NEDD4: variants seen among roughly 807,000 people sequenced by gnomAD.
NEDD4 encodes the protein E3 ubiquitin-protein ligase NEDD4.
In NEDD4, 99 loss-of-function variants were observed where a neutral mutation model predicts 144.9. The ratio of observed to expected loss-of-function variants is 0.68; its 90% CI spans 0.58 to 0.81. The LOEUF (loss-of-function observed/expected upper bound fraction) is 0.81, where lower values mean the gene tolerates loss of function less well. Among genes scored for constraint, NEDD4 ranks in the 30% least tolerant of loss-of-function variants. The pLI is 0.00. For synonymous variants in NEDD4, 318 were observed against 350.6 expected, an observed-to-expected ratio of 0.91 and a Z score of 1.04; for missense variants, 985 against 1,065.9, an observed-to-expected ratio of 0.92 and a Z score of 1.06.
chr15:55,974,848 C>T lies in NEDD4; in HGVS notation c.46-8302G>A, dbSNP rs1244770080. On this transcript the variant is annotated intron_variant, in intron 1 of 28. Transcript: ENST00000435532. ...TGGGGAGAAACTGAAAGCCTTTCCT[C>T]TATGATCTGGAACAAGATAAGGATG... Among the ~76,000 whole-genome samples, 7 of 142,960 alleles carry T rather than the reference C, an allele frequency of 4.9e-5. No individual in the cohort carries two copies. The East Asian group carries it at 1.2e-3, about 25-fold the overall frequency. 93.8% of individuals were successfully genotyped at this position (142,960 alleles called of 152,430 possible).
chr15:55,920,401 G>C (rs1393529339), intron 5 of NEDD4, among the ~76,000 whole-genome samples: 2 of 152,044 alleles, frequency 1.3e-5, no homozygotes, highest in Non-Finnish European at 2.9e-5. Flanking sequence ...ATCTTAGACT[G>C]GTGACACAGT....
intron 22 of NEDD4, 101 bp downstream of exon 22, chr15:55,838,408 A>T (rs1437675596): frequency 1.2e-6 from 1 of 842,392 alleles, no homozygotes; most frequent in South Asian, 1.6e-5. Flanking sequence ...TGGGAAATGA[A>T]TGTAAAAACA....
intron 18 of NEDD4, among the ~76,000 whole-genome samples, chr15:55,842,658 A>C (rs1186434050): frequency 1.3e-5 from 2 of 152,226 alleles, no homozygotes; most frequent in Non-Finnish European, 2.9e-5. Context: ...GATTACAGGC[A>C]TAAGCCATGG....
At chr15:55,837,169 C>A (rs550684469) in intron 24 of NEDD4, among the ~76,000 whole-genome samples, 1 of 152,308 alleles carries the variant, frequency 6.6e-6, no homozygotes, top group East Asian at 1.9e-4. Context: ...GTGGCTCACA[C>A]TGGTAACCCC....
intron 7 of NEDD4, among the ~76,000 whole-genome samples, chr15:55,870,976 T>C (rs1247794724): frequency 2.0e-5 from 3 of 152,222 alleles, no homozygotes; most frequent in African/African-American, 7.2e-5. Context: ...CCTTTGTCTT[T>C]CTAGACAAGA....
chr15:55,961,561 C>G lies in NEDD4; in HGVS notation c.119+4912G>C, dbSNP rs142299011. Among the ~76,000 whole-genome samples the G allele has an allele frequency of 4.1e-3, 627 of 152,226 alleles. 4 individuals carry two copies. The highest frequency in any genetic ancestry group is 0.014 in the African/African-American group (593 of 41,530). On this transcript the variant is annotated intron_variant, in intron 2 of 28. Transcript: ENST00000435532. ...TCTTGGCTCACTGCAACCTCCGCCT[C>G]CCGGGTTCATATCATTCTCCTGCCT...
chr15:55,884,893 G>T lies in NEDD4; in HGVS notation c.292-10885C>A, dbSNP rs1288632061. Among the ~76,000 whole-genome samples, 8 of 152,248 alleles carry T rather than the reference G, an allele frequency of 5.3e-5. No individual in the cohort carries two copies. In the East Asian group the frequency reaches 1.5e-3, roughly 29 times the overall value. ...TTGAAGTAGAAAGTTTACTCAAAGG[G>T]ATAATAACAGAGAACTGTCCAAACC... On this transcript the variant is annotated intron_variant, in intron 5 of 28. Transcript: ENST00000435532.
At chr15:55,953,024 C>G (rs1566966975) in intron 2 of NEDD4, among the ~76,000 whole-genome samples, 1 of 149,342 alleles carries the variant, frequency 6.7e-6, no homozygotes, top group Non-Finnish European at 1.5e-5. Context: ...GAGTCTTGCT[C>G]TGTTGCCCAG....
chr15:55,846,085 C>T (rs188415577), intron 18 of NEDD4, among the ~76,000 whole-genome samples: 14 of 151,924 alleles, frequency 9.2e-5, no homozygotes, highest in African/African-American at 3.1e-4. Flanking sequence ...CTGCACCTGG[C>T]CCACAAAATT....
At chr15:55,916,207 C>A in intron 5 of NEDD4, 1 of 1,613,964 alleles carries the variant, frequency 6.2e-7, no homozygotes, top group Non-Finnish European at 8.5e-7. Flanking sequence ...GAGGTGCTGT[C>A]AGAAGGTAAG....
intron 2 of NEDD4, among the ~76,000 whole-genome samples, chr15:55,963,188 G>T (rs751961286): frequency 8.1e-5 from 12 of 147,888 alleles, no homozygotes; most frequent in Non-Finnish European, 1.2e-4. Flanking sequence ...CTGGAGTGCA[G>T]TGGCAAAATC....
intron 2 of NEDD4, among the ~76,000 whole-genome samples, chr15:55,957,846 A>G (rs1249814192): frequency 2.6e-5 from 4 of 152,168 alleles, no homozygotes; most frequent in Non-Finnish European, 5.9e-5. Flanking sequence ...GCTGGAAACC[A>G]TCATTCTAAG....
chr15:55,915,152 T>C, intron 5 of NEDD4: 1 of 683,510 alleles, frequency 1.5e-6, no homozygotes, highest in Non-Finnish European at 2.3e-6. Flanking sequence ...ATAAAATTTA[T>C]GACTACAAAA....
chr15:55,895,506 G>A (rs2035710557), intron 5 of NEDD4, among the ~76,000 whole-genome samples: 1 of 152,248 alleles, frequency 6.6e-6, no homozygotes, highest in African/African-American at 2.4e-5. Context: ...AAAGGAAGCT[G>A]TGGTAGCTGA....
chr15:55,869,508 TG>T (rs1484565245), intron 8 of NEDD4, 70 bp downstream of exon 8: 18 of 831,220 alleles, frequency 2.2e-5, no homozygotes, highest in Non-Finnish European at 3.4e-5. Flanking sequence ...CAATAGTTAT[TG>T]TTCTTCAGAG....
chr15:55,961,151 G>T (rs1372785410), intron 2 of NEDD4, among the ~76,000 whole-genome samples: 1 of 152,150 alleles, frequency 6.6e-6, no homozygotes, highest in African/African-American at 2.4e-5. Context: ...CTGTGAGAGG[G>T]ACATCTGGTC....
chr15:55,926,792 A>G (rs1343012656), intron 4 of NEDD4, among the ~76,000 whole-genome samples: 1 of 151,918 alleles, frequency 6.6e-6, no homozygotes, highest in Non-Finnish European at 1.5e-5. Context: ...CCCCCAAAAA[A>G]AGGGTGGGCA....
At chr15:55,933,062 A>C (rs576288991) in intron 4 of NEDD4, among the ~76,000 whole-genome samples, 5 of 152,334 alleles carry the variant, frequency 3.3e-5, no homozygotes, top group Middle Eastern at 3.4e-3. Flanking sequence ...AGAAATAGGA[A>C]CACTTTTACA....
intron 5 of NEDD4, among the ~76,000 whole-genome samples, chr15:55,876,386 A>C (rs2034994260): frequency 6.6e-6 from 1 of 151,990 alleles, no homozygotes; most frequent in Admixed American, 6.6e-5. Context: ...TCAATCTTTT[A>C]AAGAACAAAT....
Sources: allele counts gnomAD v4.1 joint callset (sites outside exome capture counted in the v4.1 genomes callset), GRCh38; gene constraint gnomAD v4.1.1; transcripts MANE v1.5; gene names NCBI Gene and HGNC (gene_info 2026-07-23, HGNC 2026-07-21).